SRCIN1: variants seen among roughly 807,000 people sequenced by gnomAD.
SRCIN1 encodes the protein P130Cas-associated protein.
A neutral mutation model predicts 116.2 loss-of-function variants in SRCIN1; 50 were observed. The ratio of observed to expected loss-of-function variants is 0.43; its 90% CI spans 0.34 to 0.54. SRCIN1 has a LOEUF of 0.54. SRCIN1 is among the 20% of genes least tolerant of loss of function. The pLI is 0.02. For synonymous variants in SRCIN1, 736 were observed against 750.0 expected (o/e 0.98, Z 0.30); for missense variants, 1,446 against 1,672.0 (o/e 0.86, Z 2.36).
At chr17:38,606,098 C>T (rs1909355748), upstream of SRCIN1, among the ~76,000 whole-genome samples, 2 of 150,698 alleles carry the variant, frequency 1.3e-5, no homozygotes, top group East Asian at 2.0e-4. The surrounding 1 kb of genome is among the most constrained non-coding windows in gnomAD (Gnocchi z 5.2). Context: ...CTCGCGCCCT[C>T]CAGCTTCACC....
Position 38,578,648 on chromosome 17 carries a change from G to A in SRCIN1, c.166C>T (p.Arg56Trp). ...CTCTGGGCCGCGATCACCGTGTGCC[G>A]CCGCTCGGACGTGTGCACCAGCCCC... ...NVGLVHTSER[R>W]HTVIAAQSLE... The change falls in exon 2 of 19, where the codon CGG (arginine) becomes TGG (tryptophan). Residue 56 changes from arginine (R) to tryptophan (W), a missense_variant. This residue lies in a region of SRCIN1 where 246 missense variants were observed against 265.1 expected (regional missense o/e 0.93). Coordinates refer to ENST00000617146, the MANE Select transcript of SRCIN1 (RefSeq NM_025248.3). The A allele has an allele frequency of 6.3e-7, 1 of 1,591,308 alleles. No homozygotes were observed. The highest frequency in any genetic ancestry group is 8.5e-7 in the Non-Finnish European group (1 of 1,170,170).
rs1214950146 is a variant in SRCIN1, at chr17:38,532,556, C to G, written c.*741G>C. On this transcript the variant is annotated 3_prime_UTR_variant, in exon 19 of 19. Transcript: ENST00000617146. This position sits in a 1 kb window ranked among gnomAD's most constrained non-coding sequence, Gnocchi z 4.3. The stretch of plus-strand genomic sequence containing the variant: ...CCTCTGCCCTCCACTCCCCACTGGA[C>G]GGCAAGGCCCAGGAGGCCAGCGCCT... The G allele has an allele frequency of 6.6e-6, 1 of 152,562 alleles. No individual in the cohort carries two copies. The highest frequency in any genetic ancestry group is 1.5e-5 in the Non-Finnish European group (1 of 68,138). 9.5% of individuals were successfully genotyped at this position (152,562 alleles called of 1,614,324 possible). A position where few individuals can be genotyped will look rare whatever the true frequency, so the allele number is the denominator to read the frequency against.
Position 38,558,775 on chromosome 17 carries a change from G to A in SRCIN1, c.2026-373C>T, listed in dbSNP as rs1253155708. Among the ~76,000 whole-genome samples, 3 of 152,196 alleles carry A rather than the reference G, an allele frequency of 2.0e-5. No homozygotes were observed. Among genetic ancestry groups the A allele is most frequent in the Non-Finnish European group, 4.4e-5 (3 of 68,032 alleles). Reference sequence around the variant, plus strand: ...TTAAGTTCTGGGGAATATGAGGCAGGAGAAGGGGTTGGGAATATTTGCGGG... The same window carrying A: ...TTAAGTTCTGGGGAATATGAGGCAGAAGAAGGGGTTGGGAATATTTGCGGG... On this transcript the variant is annotated intron_variant, in intron 10 of 18. Coordinates refer to ENST00000617146, the MANE Select transcript of SRCIN1 (RefSeq NM_025248.3). This position sits in a 1 kb window ranked among gnomAD's most constrained non-coding sequence, Gnocchi z 4.6.
Position 38,578,763 on chromosome 17 carries a change from C to T in SRCIN1, c.51G>A (p.Leu17=), listed in dbSNP as rs1373427462. 2 of 1,520,070 alleles carry T rather than the reference C, an allele frequency of 1.3e-6. No individual in the cohort carries two copies. The highest frequency in any genetic ancestry group is 1.2e-5 in the South Asian group (1 of 81,852). The allele number at this position is 1,520,070 out of a possible 1,614,324, so 94.2% of individuals were successfully genotyped here. Residue 17 remains leucine (L), a synonymous_variant, in exon 2 of 19, where the codon CTG becomes CTA. Transcript: ENST00000617146. The stretch of plus-strand genomic sequence containing the variant: ...GCGGGTACTCCGCATCGTCCGCAGA[C>T]AGCATGGGGGGGCTGCTCCGCTCCG... ...QDPERSSPPM[L]SADDAEYPRE...
At chr17:38,598,714 T>G (rs1908855384) in intron 1 of SRCIN1, among the ~76,000 whole-genome samples, 2 of 152,182 alleles carry the variant, frequency 1.3e-5, no homozygotes, top group Admixed American at 1.3e-4. Context: ...CCGAGGCAGG[T>G]GGCCTGGGCT....
chr17:38,559,444 G>A (rs1039647402), intron 10 of SRCIN1, 141 bp downstream of exon 10: 66 of 831,890 alleles, frequency 7.9e-5, no homozygotes, highest in Non-Finnish European at 1.1e-4. Context: ...GGTTCGGAGA[G>A]AGGCCAGTGA....
chr17:38,583,842 C>T (rs948299619), intron 1 of SRCIN1, among the ~76,000 whole-genome samples: 70 of 152,262 alleles, frequency 4.6e-4, no homozygotes, highest in African/African-American at 1.5e-3. Flanking sequence ...CGTGAGCCAC[C>T]GCGCCAGGCC....
chr17:38,580,807 C>G (rs1009073829), intron 1 of SRCIN1, among the ~76,000 whole-genome samples: 3 of 152,146 alleles, frequency 2.0e-5, no homozygotes, highest in African/African-American at 7.2e-5. Context: ...TTGGGAAGAA[C>G]ATTATTTTAT....
In SRCIN1 at chr17:38,544,039, T is replaced by G; in HGVS notation, c.3271-70A>C. ...GTGAATCACACAGGAACCCTAGCAC[T>G]GGGTGGGGTCTCGGGGCTGGGACCT... On this transcript the variant is annotated intron_variant, in intron 17 of 18. Transcript: ENST00000617146. The surrounding 1 kb of genome is among the most constrained non-coding windows in gnomAD (Gnocchi z 4.5). 2.0e-6 allele frequency: 3 copies of G among 1,486,358 alleles called. No homozygotes were observed. Among genetic ancestry groups the G allele is most frequent in the Non-Finnish European group, 2.7e-6 (3 of 1,115,634 alleles). The allele number at this position is 1,486,358 out of a possible 1,614,324, so 92.1% of individuals were successfully genotyped here. A position where few individuals can be genotyped will look rare whatever the true frequency, so the allele number is the denominator to read the frequency against.
intron 18 of SRCIN1, among the ~76,000 whole-genome samples, chr17:38,540,772 T>TGA (rs1555604860): frequency 6.7e-6 from 1 of 149,208 alleles, no homozygotes; most frequent in Non-Finnish European, 1.5e-5. Flanking sequence ...TGTGTGTGTG[T>TGA]GACACACACA....
chr17:38,570,863 A>C (rs1907037644), intron 2 of SRCIN1, among the ~76,000 whole-genome samples: 1 of 152,244 alleles, frequency 6.6e-6, no homozygotes, highest in Non-Finnish European at 1.5e-5. Context: ...ATAAAGATGG[A>C]AGAGGGGCTG....
Position 38,552,458 on chromosome 17 carries a change from G to T in SRCIN1, c.2469C>A (p.Ala823=). Residue 823 remains alanine, a synonymous_variant, in exon 13 of 19, where the codon GCC becomes GCA. Transcript: ENST00000617146. The surrounding 1 kb of genome is among the most constrained non-coding windows in gnomAD (Gnocchi z 5.3). ...KRCRGVTDTL[A]QIRRQVDEGV... ...AGGGACAGAATGACCTTCGGATCTG[G>T]GCCAGCGTGTCCGTGACCCCGCGGC... The T allele has an allele frequency of 1.9e-6, 3 of 1,602,064 alleles. No individual in the cohort carries two copies. The highest frequency in any genetic ancestry group is 2.6e-6 in the Non-Finnish European group (3 of 1,174,874).
At chr17:38,580,505 C>G (rs1907729275) in intron 1 of SRCIN1, among the ~76,000 whole-genome samples, 1 of 152,222 alleles carries the variant, frequency 6.6e-6, no homozygotes, top group African/African-American at 2.4e-5. Flanking sequence ...TCATGGTCCC[C>G]ATTTCAGAAA....
At position 38,562,201 on chromosome 17, in the gene SRCIN1, T is replaced by TGCAGCCCGGACG. The variant is rs1906312702; in HGVS notation, c.950_961dup (p.Pro317_Leu320dup). 7 of 1,421,654 alleles carry TGCAGCCCGGACG rather than the reference T, an allele frequency of 4.9e-6. No homozygotes were observed. The East Asian group carries it at 2.1e-4, about 43-fold the overall frequency. The allele number at this position is 1,421,654 out of a possible 1,614,324, so 88.1% of individuals were successfully genotyped here. A position where few individuals can be genotyped will look rare whatever the true frequency, so the allele number is the denominator to read the frequency against. ...GCGCGAACGCGACGGCGAACCGGAC[T>TGCAGCCCGGACG]GCAGCCCGGACGGCAGCCCCGACGG... On this transcript the variant is annotated inframe_insertion, in exon 7 of 19. Transcript: ENST00000617146. The surrounding 1 kb of genome is among the most constrained non-coding windows in gnomAD (Gnocchi z 4.2).
chr17:38,570,889 C>T (rs1907039761), intron 2 of SRCIN1, among the ~76,000 whole-genome samples: 1 of 152,350 alleles, frequency 6.6e-6, no homozygotes, highest in Non-Finnish European at 1.5e-5. Flanking sequence ...GTGCCGGTCA[C>T]TTGGATGCAT....
At chr17:38,605,366 C>T (rs981933117) in intron 1 of SRCIN1, among the ~76,000 whole-genome samples, 4 of 148,294 alleles carry the variant, frequency 2.7e-5, no homozygotes, top group Non-Finnish European at 4.5e-5. Context: ...CCACACAAGC[C>T]CCTTTACAGT....
At chr17:38,576,999 C>T (rs1386518367) in intron 2 of SRCIN1, among the ~76,000 whole-genome samples, 1 of 152,210 alleles carries the variant, frequency 6.6e-6, no homozygotes, top group African/African-American at 2.4e-5. Flanking sequence ...CCCACCTGAG[C>T]CTTCTCGCCG....
Position 38,562,991 on chromosome 17 carries a change from C to G in SRCIN1, c.741-71G>C, listed in dbSNP as rs927979167. ...TGCACAATGAGAAGGGATGGCTACTCCAGGCCTAGAGAAGAGGGGTGGCCA... is the reference window on the plus strand; with the variant it reads ...TGCACAATGAGAAGGGATGGCTACTGCAGGCCTAGAGAAGAGGGGTGGCCA... On this transcript the variant is annotated intron_variant, in intron 5 of 18. Transcript: ENST00000617146. This position sits in a 1 kb window ranked among gnomAD's most constrained non-coding sequence, Gnocchi z 4.2. The G allele has an allele frequency of 4.4e-5, 58 of 1,314,616 alleles. No homozygotes were observed. In the African/African-American group the frequency reaches 7.6e-4, roughly 17 times the overall value. 81.4% of individuals were successfully genotyped at this position (1,314,616 alleles called of 1,614,324 possible).
chr17:38,552,967 G>A lies in SRCIN1; in HGVS notation c.2202-112C>T, dbSNP rs1905540438. Reference sequence around the variant, plus strand: ...GCCACCAGTTGGATCGAAAGTAAAAGCAGGAGGCTGGGCACCGTGGCTCAC... The same window carrying A: ...GCCACCAGTTGGATCGAAAGTAAAAACAGGAGGCTGGGCACCGTGGCTCAC... On this transcript the variant is annotated intron_variant, in intron 11 of 18. Transcript: ENST00000617146. The surrounding 1 kb of genome is among the most constrained non-coding windows in gnomAD (Gnocchi z 5.3). 2.0e-6 allele frequency: 3 copies of A among 1,497,234 alleles called. No individual in the cohort carries two copies. The highest frequency in any genetic ancestry group is 2.6e-5 in the South Asian group (2 of 75,692). 92.7% of individuals were successfully genotyped at this position (1,497,234 alleles called of 1,614,324 possible).
Sources: allele counts gnomAD v4.1 joint callset (sites outside exome capture counted in the v4.1 genomes callset), GRCh38; gene constraint gnomAD v4.1.1; regional missense constraint gnomAD v4.1.1; non-coding constraint Gnocchi (gnomAD v3.1); transcripts MANE v1.5; gene names NCBI Gene and HGNC (gene_info 2026-07-23, HGNC 2026-07-21).